The following MAP2K5 variants were observed in gnomAD, a reference collection of about 807,000 sequenced individuals.
MAP2K5 encodes dual specificity mitogen-activated protein kinase kinase 5.
In MAP2K5, 49 loss-of-function variants were observed where a neutral mutation model predicts 83.1. The observed-to-expected ratio is 0.59, with a 90% CI of 0.47 to 0.75. MAP2K5 has a LOEUF of 0.75. Among genes scored for constraint, MAP2K5 ranks in the 30% least tolerant of loss-of-function variants. MAP2K5 has a pLI of 0.00. For synonymous variants in MAP2K5, 202 were observed against 191.8 expected, an observed-to-expected ratio of 1.05 and a Z score of -0.44; for missense variants, 457 against 557.5, an observed-to-expected ratio of 0.82 and a Z score of 1.82.
chr15:67,667,770 C>A (rs2087421747), intron 13 of MAP2K5, among the ~76,000 whole-genome samples: 1 of 152,128 alleles, frequency 6.6e-6, no homozygotes, highest in African/African-American at 2.4e-5. Flanking sequence ...ATTTATATGG[C>A]TTCCTTGGAA....
At chr15:67,689,954 G>C (rs1272904050) in intron 13 of MAP2K5, among the ~76,000 whole-genome samples, 1 of 152,194 alleles carries the variant, frequency 6.6e-6, no homozygotes, top group African/African-American at 2.4e-5. Flanking sequence ...CCACAGGACG[G>C]CTTTGAGTAG....
chr15:67,576,818 G>A (rs868611712), intron 3 of MAP2K5, among the ~76,000 whole-genome samples: 3 of 147,066 alleles, frequency 2.0e-5, no homozygotes, highest in African/African-American at 7.4e-5. Flanking sequence ...AATATGAGGA[G>A]GTGTACTTTT....
At chr15:67,634,724 A>G (rs1465184303) in intron 9 of MAP2K5, among the ~76,000 whole-genome samples, 1 of 152,070 alleles carries the variant, frequency 6.6e-6, no homozygotes, top group African/African-American at 2.4e-5. Context: ...ATAGTCTGAT[A>G]TTAAATTCTA....
chr15:67,634,532 G>C (rs550810103), intron 9 of MAP2K5, among the ~76,000 whole-genome samples: 2 of 151,918 alleles, frequency 1.3e-5, no homozygotes, highest in African/African-American at 4.8e-5. Flanking sequence ...ATTACTGAAA[G>C]AGGGGTGTTG....
chr15:67,784,837 G>A (rs1349521111), intron 21 of MAP2K5, among the ~76,000 whole-genome samples: 2 of 152,198 alleles, frequency 1.3e-5, no homozygotes, highest in Non-Finnish European at 2.9e-5. Flanking sequence ...TGTTCCTCAA[G>A]TTTGGGAGAA....
Position 67,626,997 on chromosome 15 carries a change from A to G in MAP2K5, c.546-3891A>G, listed in dbSNP as rs528899612. Among the ~76,000 whole-genome samples, 11 of 109,032 alleles carry G rather than the reference A, an allele frequency of 1.0e-4. No homozygotes were observed. In the East Asian group the frequency reaches 2.7e-3, roughly 26 times the overall value. 71.5% of individuals were successfully genotyped at this position (109,032 alleles called of 152,430 possible). A position where few individuals can be genotyped will look rare whatever the true frequency, so the allele number is the denominator to read the frequency against. On this transcript the variant is annotated intron_variant, in intron 8 of 21. Transcript: ENST00000178640. ...ACCCGGGCTGTAGTGGAGTGGTGAG[A>G]TCATAGCTCACTGCAGCCTGACCTC...
chr15:67,580,991 G>A (rs1467310757), intron 4 of MAP2K5, among the ~76,000 whole-genome samples, 168 bp downstream of exon 4: 1 of 152,070 alleles, frequency 6.6e-6, no homozygotes, highest in Non-Finnish European at 1.5e-5. Context: ...TATAGTTATG[G>A]CAGATAAAAT....
intron 3 of MAP2K5, among the ~76,000 whole-genome samples, chr15:67,579,463 A>G (rs1402147598): frequency 6.6e-6 from 1 of 152,198 alleles, no homozygotes; most frequent in East Asian, 1.9e-4. Flanking sequence ...TGTATTCCAG[A>G]GAGTGTTTCA....
At position 67,640,669 on chromosome 15, in the gene MAP2K5, A is replaced by C. The variant is rs2086691708; in HGVS notation, c.586-5562A>C. The C allele has an allele frequency of 1.4e-6, 1 of 703,410 alleles. No individual in the cohort carries two copies. Among genetic ancestry groups the C allele is most frequent in the African/African-American group, 1.9e-5 (1 of 51,750 alleles). The allele number at this position is 703,410 out of a possible 1,614,324, so 43.6% of individuals were successfully genotyped here. ...GAATGTCTATGGGCACAATTAGATG[A>C]GTCCTTGAAAATCTGTTGCTTTTCC... is the stretch of plus-strand genomic sequence containing the variant. On this transcript the variant is annotated intron_variant, in intron 9 of 21. Transcript: ENST00000178640. This position sits in a 1 kb window ranked among gnomAD's most constrained non-coding sequence, Gnocchi z 4.6.
In MAP2K5 at chr15:67,640,571, G is replaced by C; in HGVS notation, c.586-5660G>C. 1.0e-6 allele frequency: 1 copy of C among 985,186 alleles called. No individual in the cohort carries two copies. The highest frequency in any genetic ancestry group is 1.2e-6 in the Non-Finnish European group (1 of 829,828). The allele number at this position is 985,186 out of a possible 1,614,324, so 61.0% of individuals were successfully genotyped here. A position where few individuals can be genotyped will look rare whatever the true frequency, so the allele number is the denominator to read the frequency against. Reference sequence around the variant, plus strand: ...CTTGTCCAAACTGAATCACCTGCAGGGTCTGACGCCTGCATGGAATGATGA... The same window carrying C: ...CTTGTCCAAACTGAATCACCTGCAGCGTCTGACGCCTGCATGGAATGATGA... On this transcript the variant is annotated intron_variant, in intron 9 of 21. Coordinates refer to ENST00000178640, the MANE Select transcript of MAP2K5 (RefSeq NM_145160.3). This position sits in a 1 kb window ranked among gnomAD's most constrained non-coding sequence, Gnocchi z 4.6.
At position 67,676,032 on chromosome 15, in the gene MAP2K5, G is replaced by C. The variant is rs985342257; in HGVS notation, c.847+11387G>C. 2.0e-5 allele frequency among the ~76,000 whole-genome samples: 3 copies of C among 152,214 alleles called. No individual in the cohort carries two copies. Among genetic ancestry groups the C allele is most frequent in the Non-Finnish European group, 4.4e-5 (3 of 68,034 alleles). On this transcript the variant is annotated intron_variant, in intron 13 of 21. Transcript: ENST00000178640. The surrounding 1 kb of genome is among the most constrained non-coding windows in gnomAD (Gnocchi z 4.8). ...TTGCAGGGGATTGGGATTTGAAGCA[G>C]ACTGTGTGATCGTTGTGTGTTTTGG... is the stretch of plus-strand genomic sequence containing the variant.
intron 8 of MAP2K5, among the ~76,000 whole-genome samples, chr15:67,609,222 T>C (rs1040993461): frequency 6.6e-6 from 1 of 152,144 alleles, no homozygotes; most frequent in Admixed American, 6.5e-5. Flanking sequence ...TTGTTTAGTC[T>C]ATATTCATTT....
rs924474238 is a variant in MAP2K5, at chr15:67,736,303, A to G, written c.1074+8358A>G. On this transcript the variant is annotated intron_variant, in intron 17 of 21. Transcript: ENST00000178640. The surrounding 1 kb of genome is among the most constrained non-coding windows in gnomAD (Gnocchi z 4.3). ...CTCTGCCCTTGAGGACAGTTGGCAC[A>G]TGCCCCTGAGGGGTTCCCTGCCACC... 2.6e-5 allele frequency among the ~76,000 whole-genome samples: 4 copies of G among 152,248 alleles called. No homozygotes were observed. Among genetic ancestry groups the G allele is most frequent in the African/African-American group, 7.2e-5 (3 of 41,466 alleles).
intron 16 of MAP2K5, among the ~76,000 whole-genome samples, chr15:67,725,325 C>T (rs1195235774): frequency 6.6e-6 from 1 of 152,236 alleles, no homozygotes; most frequent in Non-Finnish European, 1.5e-5. Context: ...TCTGTAGAAC[C>T]ATGACCACTT....
chr15:67,696,537 T>C (rs2088265336), intron 15 of MAP2K5, among the ~76,000 whole-genome samples: 1 of 152,166 alleles, frequency 6.6e-6, no homozygotes, highest in South Asian at 2.1e-4. Flanking sequence ...TCAACCAGCA[T>C]TTACTGAGCA....
At chr15:67,557,393 A>G (rs1225216613) in intron 2 of MAP2K5, among the ~76,000 whole-genome samples, 3 of 152,184 alleles carry the variant, frequency 2.0e-5, no homozygotes, top group Non-Finnish European at 2.9e-5. Context: ...CATGTATTCT[A>G]ATCTGTAGCT....
rs62016182 is a variant in MAP2K5, at chr15:67,637,642, G to T, written c.585+6715G>T. ...CAGCTGAAGACTCCAGGACCCCCTC[G>T]GCAGACCTCTGGAGCTCTCTCCCTC... On this transcript the variant is annotated intron_variant, in intron 9 of 21. Coordinates refer to ENST00000178640, the MANE Select transcript of MAP2K5 (RefSeq NM_145160.3). This position sits in a 1 kb window ranked among gnomAD's most constrained non-coding sequence, Gnocchi z 4.5. Among the ~76,000 whole-genome samples the T allele has an allele frequency of 6.6e-6, 1 of 151,922 alleles. No individual in the cohort carries two copies. Among genetic ancestry groups the T allele is most frequent in the Non-Finnish European group, 1.5e-5 (1 of 67,992 alleles).
chr15:67,553,545 T>A (rs909530848), intron 2 of MAP2K5, among the ~76,000 whole-genome samples: 2 of 152,238 alleles, frequency 1.3e-5, no homozygotes, highest in Non-Finnish European at 2.9e-5. Context: ...CTAGGCTGGC[T>A]TTTTTCATGA....
Position 67,785,524 on chromosome 15 carries a change from A to G in MAP2K5, c.1242+12772A>G, listed in dbSNP as rs1405213078. Among the ~76,000 whole-genome samples the G allele has an allele frequency of 6.6e-6, 1 of 152,186 alleles. No individual in the cohort carries two copies. The highest frequency in any genetic ancestry group is 1.9e-4 in the East Asian group (1 of 5,192). ...ACACAAATCCATCATACATGCAAACAAAGTAGTCAGGTCACACAAACAGGA... is the reference window on the plus strand; with the variant it reads ...ACACAAATCCATCATACATGCAAACGAAGTAGTCAGGTCACACAAACAGGA... On this transcript the variant is annotated intron_variant, in intron 21 of 21. Coordinates refer to ENST00000178640, the MANE Select transcript of MAP2K5 (RefSeq NM_145160.3). This position sits in a 1 kb window ranked among gnomAD's most constrained non-coding sequence, Gnocchi z 4.4.
Sources: allele counts gnomAD v4.1 joint callset (sites outside exome capture counted in the v4.1 genomes callset), GRCh38; gene constraint gnomAD v4.1.1; non-coding constraint Gnocchi (gnomAD v3.1); transcripts MANE v1.5; gene names NCBI Gene and HGNC (gene_info 2026-07-23, HGNC 2026-07-21).